ITPK1: variants seen among roughly 807,000 people sequenced by gnomAD.
ITPK1 encodes the protein inositol-tetrakisphosphate 1-kinase.
ITPK1 carries 21 observed loss-of-function variants against 45.3 expected under a neutral mutation model. The observed-to-expected ratio is 0.46, with a 90% CI of 0.33 to 0.67. The LOEUF is 0.67. Ranked by LOEUF, ITPK1 falls within the 30% of genes least tolerant of loss-of-function variation. The pLI, the probability that ITPK1 is intolerant of heterozygous loss-of-function variation, is 0.02. For synonymous variants in ITPK1, 258 were observed against 253.6 expected (o/e 1.02, Z -0.16); for missense variants, 474 against 573.5 (o/e 0.83, Z 1.77).
At chr14:93,029,216 T>G (rs560784612) in intron 3 of ITPK1, among the ~76,000 whole-genome samples, 1 of 152,154 alleles carries the variant, frequency 6.6e-6, no homozygotes, top group Non-Finnish European at 1.5e-5. Context: ...TCGTGGAAGG[T>G]CACTGAGAGT....
chr14:93,020,666 G>A (rs756208653), intron 3 of ITPK1, among the ~76,000 whole-genome samples: 5 of 152,092 alleles, frequency 3.3e-5, no homozygotes, highest in Non-Finnish European at 7.3e-5. Flanking sequence ...CTGCTCCTGC[G>A]CTGGGGGCTG....
chr14:93,024,317 G>A (rs1397393643), intron 3 of ITPK1, among the ~76,000 whole-genome samples: 6 of 152,196 alleles, frequency 3.9e-5, no homozygotes, highest in African/African-American at 9.7e-5. Flanking sequence ...GGATGCCCAG[G>A]GGTTAGAGGG....
intron 2 of ITPK1, among the ~76,000 whole-genome samples, chr14:93,102,529 T>C (rs966651321): frequency 3.9e-5 from 6 of 152,236 alleles, no homozygotes; most frequent in Non-Finnish European, 7.4e-5. Context: ...TCCCAACTCT[T>C]TGGGAGGCTG....
chr14:93,097,784 G>A (rs1892140712), intron 2 of ITPK1, among the ~76,000 whole-genome samples: 1 of 151,912 alleles, frequency 6.6e-6, no homozygotes, highest in African/African-American at 2.4e-5. Flanking sequence ...CAAGGTGGGC[G>A]GATCACTTTG....
chr14:92,999,940 C>T (rs1346557680), intron 4 of ITPK1, among the ~76,000 whole-genome samples: 1 of 152,236 alleles, frequency 6.6e-6, no homozygotes, highest in East Asian at 1.9e-4. Flanking sequence ...AACCACACAT[C>T]TACTTTCTGT....
chr14:92,988,238 T>A (rs1234402570), intron 5 of ITPK1, among the ~76,000 whole-genome samples: 1 of 152,152 alleles, frequency 6.6e-6, no homozygotes, highest in African/African-American at 2.4e-5. Flanking sequence ...CTCAGCCCTG[T>A]GGTCTGGGCA....
chr14:93,083,339 T>A (rs909071877), intron 2 of ITPK1, among the ~76,000 whole-genome samples: 1 of 151,842 alleles, frequency 6.6e-6, no homozygotes, highest in Non-Finnish European at 1.5e-5. Flanking sequence ...CCGCTCGGGG[T>A]CTCAGCTTTC....
chr14:93,091,124 GA>G (rs1316010412), intron 2 of ITPK1, among the ~76,000 whole-genome samples: 1 of 152,190 alleles, frequency 6.6e-6, no homozygotes, highest in Non-Finnish European at 1.5e-5. Flanking sequence ...GGGAAAAAGA[GA>G]ATCCCCAATA....
intron 5 of ITPK1, among the ~76,000 whole-genome samples, chr14:92,988,370 A>G (rs1188356671): frequency 6.6e-6 from 1 of 152,214 alleles, no homozygotes; most frequent in Non-Finnish European, 1.5e-5. Context: ...CCCACTTCCC[A>G]GATGAGTGAA....
chr14:92,962,722 C>A (rs2139743000), intron 6 of ITPK1, 29 bp downstream of exon 6: 1 of 1,538,010 alleles, frequency 6.5e-7, no homozygotes, highest in East Asian at 2.2e-5. Flanking sequence ...ACAGCGCCTG[C>A]CCTCAGGTGG....
rs1566680543 is a variant in ITPK1, at chr14:92,940,442, G to A, written c.*1119C>T. ...TGGGGTGAGTCTGAGGTGTGCAGAA[G>A]CGATGGGGGGCGGGTGGCTCCCTGG... is the stretch of plus-strand genomic sequence containing the variant. On this transcript the variant is annotated 3_prime_UTR_variant, in exon 11 of 11. Coordinates refer to ENST00000267615, the MANE Select transcript of ITPK1 (RefSeq NM_014216.6). The A allele has an allele frequency of 2.7e-6, 3 of 1,122,146 alleles. No homozygotes were observed. Among genetic ancestry groups the A allele is most frequent in the East Asian group, 1.6e-4 (2 of 12,810 alleles). The allele number at this position is 1,122,146 out of a possible 1,614,324, so 69.5% of individuals were successfully genotyped here. A position where few individuals can be genotyped will look rare whatever the true frequency, so the allele number is the denominator to read the frequency against.
At chr14:93,033,797 G>A (rs1261687849) in intron 3 of ITPK1, among the ~76,000 whole-genome samples, 2 of 152,204 alleles carry the variant, frequency 1.3e-5, no homozygotes, top group African/African-American at 4.8e-5. Flanking sequence ...GTGCGTGCCT[G>A]TGCATGTGGG....
chr14:92,979,871 T>C (rs1886135635), intron 5 of ITPK1, among the ~76,000 whole-genome samples: 1 of 151,776 alleles, frequency 6.6e-6, no homozygotes, highest in Non-Finnish European at 1.5e-5. Context: ...TGGTATGCAG[T>C]GTGTGATCTC....
At chr14:93,103,095 A>G (rs10145719) in intron 2 of ITPK1, among the ~76,000 whole-genome samples, 35,664 of 124,640 alleles carry the variant, frequency 0.29, 5,794 homozygotes, top group African/African-American at 0.46. Flanking sequence ...GCAAGACTCC[A>G]TCTCAAAAAA....
At chr14:93,056,448 A>T (rs1337964742) in intron 3 of ITPK1, among the ~76,000 whole-genome samples, 4 of 152,318 alleles carry the variant, frequency 2.6e-5, no homozygotes, top group African/African-American at 9.6e-5. Flanking sequence ...TGGGCGCCCC[A>T]TCAGTGCAGC....
rs994906956 is a variant in ITPK1, at chr14:92,941,212, C to T, written c.*349G>A. 5 of 1,283,404 alleles carry T rather than the reference C, an allele frequency of 3.9e-6. No individual in the cohort carries two copies. The highest frequency in any genetic ancestry group is 5.0e-6 in the Non-Finnish European group (5 of 1,006,544). The allele number at this position is 1,283,404 out of a possible 1,614,324, so 79.5% of individuals were successfully genotyped here. A position where few individuals can be genotyped will look rare whatever the true frequency, so the allele number is the denominator to read the frequency against. On this transcript the variant is annotated 3_prime_UTR_variant, in exon 11 of 11. Transcript: ENST00000267615. ...CCCGGTCCACAGTGGCCATGGAGAC[C>T]AACAGACAGGGATGTGCACAGACAC...
chr14:92,961,790 G>C (rs1885087556), intron 7 of ITPK1, among the ~76,000 whole-genome samples: 1 of 152,234 alleles, frequency 6.6e-6, no homozygotes, highest in Non-Finnish European at 1.5e-5. Flanking sequence ...TCTGGAGGTG[G>C]GGCCTTTGGG....
chr14:93,021,888 A>G (rs369216028), intron 3 of ITPK1, among the ~76,000 whole-genome samples: 1 of 152,262 alleles, frequency 6.6e-6, no homozygotes, highest in East Asian at 1.9e-4. Flanking sequence ...CTCTGACCCA[A>G]TTCCCTGATT....
chr14:93,093,222 G>A (rs1733003738), intron 2 of ITPK1, among the ~76,000 whole-genome samples: 1 of 152,232 alleles, frequency 6.6e-6, no homozygotes, highest in African/African-American at 2.4e-5. Context: ...GGACACGGCA[G>A]AAAGGACAAA....
Sources: gnomAD v4.1 joint callset for allele counts (sites outside exome capture counted in the v4.1 genomes callset) on GRCh38, gnomAD v4.1.1 for gene constraint, MANE v1.5 for transcripts, NCBI Gene and HGNC (gene_info 2026-07-23, HGNC 2026-07-21) for gene names.